ABRAXAS2: variants seen among roughly 807,000 people sequenced by gnomAD.
ABRAXAS2 encodes abraxas 2, BRISC complex subunit, also known as BRISC complex subunit Abraxas 2.
A neutral mutation model predicts 49.0 loss-of-function variants in ABRAXAS2; 23 were observed. That is an observed-to-expected ratio of 0.47 (90% CI 0.34 to 0.66). The LOEUF is 0.66. ABRAXAS2 is among the 30% of genes least tolerant of loss of function. The probability of loss-of-function intolerance (pLI) is 0.01; values close to 1 mark genes in which losing one functional copy is unlikely to be tolerated. For synonymous variants in ABRAXAS2, 168 were observed against 180.2 expected, an observed-to-expected ratio of 0.93 and a Z score of 0.54; for missense variants, 443 against 511.9, an observed-to-expected ratio of 0.87 and a Z score of 1.30.
chr10:124,828,026 G>A (rs760873411), intron 5 of ABRAXAS2, among the ~76,000 whole-genome samples: 8 of 152,126 alleles, frequency 5.3e-5, no homozygotes, highest in Non-Finnish European at 1.2e-4. Context: ...TGATAAGCAA[G>A]GTTTTACTTT....
At chr10:124,834,303 T>C (rs1395116872) in intron 8 of ABRAXAS2, among the ~76,000 whole-genome samples, 199 bp from the exon 9 acceptor site, 4 of 152,210 alleles carry the variant, frequency 2.6e-5, no homozygotes, top group South Asian at 2.1e-4. Flanking sequence ...AAATTTGTCA[T>C]GGCCTTAAAT....
intron 4 of ABRAXAS2, among the ~76,000 whole-genome samples, chr10:124,819,815 TG>T (rs1351068910): frequency 2.7e-5 from 4 of 150,558 alleles, no homozygotes; most frequent in African/African-American, 7.3e-5. Context: ...TGAACACAGG[TG>T]TTTTTCCAAA....
chr10:124,830,715 G>A (rs1224661430), intron 7 of ABRAXAS2, among the ~76,000 whole-genome samples: 1 of 152,196 alleles, frequency 6.6e-6, no homozygotes, highest in Non-Finnish European at 1.5e-5. Context: ...ATAGCTTTTT[G>A]TCCTGAATTC....
intron 2 of ABRAXAS2, among the ~76,000 whole-genome samples, chr10:124,814,771 C>T (rs373069849): frequency 3.9e-5 from 6 of 151,996 alleles, no homozygotes; most frequent in African/African-American, 9.7e-5. Flanking sequence ...CTCAGCCTCC[C>T]GAGTAGCTGG....
At chr10:124,831,856 T>A (rs1349335348) in intron 8 of ABRAXAS2, among the ~76,000 whole-genome samples, 8 of 137,440 alleles carry the variant, frequency 5.8e-5, no homozygotes, top group Non-Finnish European at 1.1e-4. Flanking sequence ...TTTTTTTTTT[T>A]TTTTTTTTTT....
At chr10:124,831,281 A>C (rs1195158002) in intron 7 of ABRAXAS2, 68 bp from the exon 8 acceptor site, 3 of 912,098 alleles carry the variant, frequency 3.3e-6, no homozygotes, top group Non-Finnish European at 5.4e-6. Flanking sequence ...AGTTGTAATC[A>C]GCGCTGAATT....
At chr10:124,815,419 C>T (rs1204245763) in intron 2 of ABRAXAS2, among the ~76,000 whole-genome samples, 2 of 152,132 alleles carry the variant, frequency 1.3e-5, no homozygotes, top group African/African-American at 2.4e-5. Flanking sequence ...TGGTCTCGAT[C>T]TCCTGACCTC....
chr10:124,829,335 T>C, intron 6 of ABRAXAS2, 58 bp from the exon 7 acceptor site: 1 of 1,203,740 alleles, frequency 8.3e-7, no homozygotes, highest in Non-Finnish European at 1.2e-6. Flanking sequence ...AAAAATGCCT[T>C]TCCATTTCAC....
At chr10:124,825,590 T>A (rs1326678097) in intron 4 of ABRAXAS2, among the ~76,000 whole-genome samples, 6 of 152,204 alleles carry the variant, frequency 3.9e-5, no homozygotes, top group African/African-American at 2.4e-5. Flanking sequence ...AAAGTTGGCT[T>A]ACTTTCTACA....
Position 124,801,890 on chromosome 10 carries a change from A to G in ABRAXAS2, c.61A>G (p.Asn21Asp). 1 of 1,612,848 alleles carries G rather than the reference A, an allele frequency of 6.2e-7. No homozygotes were observed. Among genetic ancestry groups the G allele is most frequent in the Non-Finnish European group, 8.5e-7 (1 of 1,179,638 alleles). The part of the protein sequence containing the change: ...SAVCFHSANS[N>D]ADHEGFLLGE... Reference sequence around the variant, plus strand: ...TGTGTGTTTCCACAGCGCCAACAGCAACGCGGACCACGTAGGTGCCGGGCC... The same window carrying G: ...TGTGTGTTTCCACAGCGCCAACAGCGACGCGGACCACGTAGGTGCCGGGCC... The change falls in exon 1 of 9, where the codon AAC becomes GAC. Residue 21 changes from asparagine (N) to aspartate (D), a missense_variant. Physicochemically the swap from Asn to Asp is conservative, Grantham distance 23. Transcript: ENST00000298492.
At position 124,834,150 on chromosome 10, in the gene ABRAXAS2, T is replaced by C. The variant is rs572926724; in HGVS notation, c.779-352T>C. On this transcript the variant is annotated intron_variant, in intron 8 of 8. Coordinates refer to ENST00000298492, the MANE Select transcript of ABRAXAS2 (RefSeq NM_032182.4). ...CCCCACGCCAGGGAACCAGCACAGGTTGTGGAGCGACAGAGCCTGCATTCT... is the reference window on the plus strand; with the variant it reads ...CCCCACGCCAGGGAACCAGCACAGGCTGTGGAGCGACAGAGCCTGCATTCT... Among the ~76,000 whole-genome samples, 5 of 152,294 alleles carry C rather than the reference T, an allele frequency of 3.3e-5. No individual in the cohort carries two copies. The East Asian group carries it at 7.7e-4, about 23-fold the overall frequency.
chr10:124,816,134 C>T (rs2629557), intron 2 of ABRAXAS2, among the ~76,000 whole-genome samples: 1 of 152,068 alleles, frequency 6.6e-6, no homozygotes, highest in Non-Finnish European at 1.5e-5. Context: ...AACTCCTGAC[C>T]TAGTGATCTG....
intron 1 of ABRAXAS2, among the ~76,000 whole-genome samples, chr10:124,803,427 T>C (rs1399859170): frequency 5.9e-5 from 9 of 152,250 alleles, no homozygotes; most frequent in Non-Finnish European, 1.2e-4. Flanking sequence ...AGTACATACT[T>C]ATTTTGTCCA....
At chr10:124,834,135 G>A (rs1482806726) in intron 8 of ABRAXAS2, among the ~76,000 whole-genome samples, 1 of 152,164 alleles carries the variant, frequency 6.6e-6, no homozygotes, top group Non-Finnish European at 1.5e-5. Context: ...CCCCACGCCA[G>A]GGAACCAGCA....
intron 2 of ABRAXAS2, among the ~76,000 whole-genome samples, chr10:124,815,717 G>A (rs1950819990): frequency 1.3e-5 from 2 of 151,966 alleles, no homozygotes; most frequent in African/African-American, 2.4e-5. Context: ...AAGCTTTTAC[G>A]ATCTACCCTG....
At chr10:124,802,335 G>T (rs962431452) in intron 1 of ABRAXAS2, among the ~76,000 whole-genome samples, 1 of 152,248 alleles carries the variant, frequency 6.6e-6, no homozygotes, top group African/African-American at 2.4e-5. Flanking sequence ...CGGTCTCGCA[G>T]GTTGTCGTGG....
chr10:124,819,361 C>A, intron 3 of ABRAXAS2, 23 bp from the exon 4 acceptor site: 1 of 1,605,968 alleles, frequency 6.2e-7, no homozygotes, highest in Non-Finnish European at 8.5e-7. Context: ...GGTGTTAGTA[C>A]AAGATTTTTT....
In ABRAXAS2 at chr10:124,830,965, G is replaced by T. The variant is rs1419356929; in HGVS notation, c.664-384G>T. On this transcript the variant is annotated intron_variant, in intron 7 of 8. Coordinates refer to ENST00000298492, the MANE Select transcript of ABRAXAS2 (RefSeq NM_032182.4). The stretch of plus-strand genomic sequence containing the variant: ...GTTAAATTGTCTTATCTGATTTTTT[G>T]AATGTTGGTAATAAATAAAAGTTGA... 1.4e-4 allele frequency among the ~76,000 whole-genome samples: 22 copies of T among 151,942 alleles called. 1 individual carries two copies. The highest frequency in any genetic ancestry group is 1.4e-3 in the Admixed American group (22 of 15,256).
chr10:124,809,416 C>T (rs1350239770), intron 2 of ABRAXAS2, among the ~76,000 whole-genome samples: 1 of 151,940 alleles, frequency 6.6e-6, no homozygotes, highest in African/African-American at 2.4e-5. Flanking sequence ...TCCCGAGTAG[C>T]TGGGATTACA....
Sources: gnomAD v4.1 joint callset for allele counts (sites outside exome capture counted in the v4.1 genomes callset) on GRCh38, gnomAD v4.1.1 for gene constraint, MANE v1.5 for transcripts, NCBI Gene and HGNC (gene_info 2026-07-23, HGNC 2026-07-21) for gene names.